KRABD3: variants seen among roughly 807,000 people sequenced by gnomAD.
KRABD3 encodes KRAB domain-containing protein 3.
At chr7:149,726,175 C>A in the KRABD3 span, 1 of 921,574 alleles carries the variant, frequency 1.1e-6, no homozygotes, top group Non-Finnish European at 1.6e-6. Flanking sequence ...GGAGCAGAGC[C>A]AGGGATACTG....
chr7:149,720,989 G>C, the KRABD3 span: 14 of 1,613,248 alleles, frequency 8.7e-6, no homozygotes, highest in Non-Finnish European at 1.2e-5. Flanking sequence ...CGAGCCCCGA[G>C]GGTAAGTCAG....
chr7:149,731,403 C>T, the KRABD3 span, among the ~76,000 whole-genome samples: 9 of 152,146 alleles, frequency 5.9e-5, no homozygotes, highest in Admixed American at 3.3e-4. Flanking sequence ...GGGCAGGACC[C>T]GCAGATGAGA....
chr7:149,725,958 G>GC, the KRABD3 span: 6 of 1,604,192 alleles, frequency 3.7e-6, no homozygotes, highest in South Asian at 4.5e-5. Flanking sequence ...CAGGCCCCTG[G>GC]CCCCCCGAGG....
At chr7:149,733,906 C>T in the KRABD3 span, 29 of 1,591,290 alleles carry the variant, frequency 1.8e-5, no homozygotes, top group South Asian at 2.3e-5. Flanking sequence ...CAGATGCAGA[C>T]GTGCCGACCT....
the KRABD3 span, among the ~76,000 whole-genome samples, chr7:149,732,903 A>C: frequency 1.3e-5 from 2 of 151,958 alleles, no homozygotes; most frequent in African/African-American, 4.8e-5. The surrounding 1 kb of genome is among the most constrained non-coding windows in gnomAD (Gnocchi z 4.0). Context: ...CTCATCAACA[A>C]CACAAAGACC....
chr7:149,726,030 G>A, the KRABD3 span: 5 of 1,612,900 alleles, frequency 3.1e-6, no homozygotes, highest in Non-Finnish European at 2.5e-6. Flanking sequence ...TGGGAGTCCT[G>A]TGGGGAACCA....
At chr7:149,718,845 A>G in the KRABD3 span, among the ~76,000 whole-genome samples, 2 of 152,198 alleles carry the variant, frequency 1.3e-5, no homozygotes, top group South Asian at 4.1e-4. Context: ...AACATAGACA[A>G]AAATGCTCGT....
the KRABD3 span, chr7:149,726,159 G>C: frequency 9.1e-7 from 1 of 1,098,276 alleles, no homozygotes; most frequent in East Asian, 2.6e-5. Context: ...CCCCATGCCC[G>C]TGCTGGGAGC....
the KRABD3 span, chr7:149,734,129 C>T: frequency 2.0e-6 from 3 of 1,480,524 alleles, no homozygotes; most frequent in Non-Finnish European, 1.8e-6. Context: ...CACCCCAGGC[C>T]ACCCTCTCCC....
At chr7:149,720,139 G>A in the KRABD3 span, 217,233 of 1,550,464 alleles carry the variant, frequency 0.14, 20,513 homozygotes, top group African/African-American at 0.47. Context: ...TAAGTTATCT[G>A]TCAGACTTTG....
chr7:149,718,166 G>C, the KRABD3 span, among the ~76,000 whole-genome samples: 2 of 152,108 alleles, frequency 1.3e-5, no homozygotes, highest in Non-Finnish European at 2.9e-5. Context: ...TAGCACTTTG[G>C]GAGACCAATG....
At chr7:149,722,660 G>A in the KRABD3 span, 35 of 1,485,960 alleles carry the variant, frequency 2.4e-5, no homozygotes, top group South Asian at 2.5e-4. Flanking sequence ...GCTCCACCGG[G>A]CAGGCCTTGT....
At chr7:149,730,239 G>GGGCCCA in the KRABD3 span, 11 of 1,564,772 alleles carry the variant, frequency 7.0e-6, no homozygotes, top group Non-Finnish European at 9.5e-6. Context: ...CTGCGTGGGA[G>GGGCCCA]GCCCCAGCCC....
chr7:149,733,232 C>A, the KRABD3 span: 13 of 1,607,944 alleles, frequency 8.1e-6, no homozygotes, highest in Non-Finnish European at 1.0e-5. Context: ...GCTGCTCCCC[C>A]AGGGCCCGCC....
the KRABD3 span, chr7:149,721,848 C>CT: frequency 1.8e-6 from 1 of 547,428 alleles, no homozygotes; most frequent in South Asian, 1.6e-5. Context: ...CATTGACCTA[C>CT]CTGTGTGCAC....
the KRABD3 span, chr7:149,719,971 T>G: frequency 6.5e-7 from 1 of 1,530,832 alleles, no homozygotes. This position sits in a 1 kb window ranked among gnomAD's most constrained non-coding sequence, Gnocchi z 5.6. Context: ...CGGAGACCAC[T>G]CCATTCCCAG....
the KRABD3 span, among the ~76,000 whole-genome samples, chr7:149,732,198 G>A: frequency 6.6e-6 from 1 of 152,180 alleles, no homozygotes; most frequent in Non-Finnish European, 1.5e-5. The surrounding 1 kb of genome is among the most constrained non-coding windows in gnomAD (Gnocchi z 4.0). Context: ...AACTTTGAGT[G>A]TGGCCTGCGG....
the KRABD3 span, chr7:149,720,876 C>T: frequency 1.2e-6 from 2 of 1,606,260 alleles, no homozygotes; most frequent in Non-Finnish European, 1.7e-6. Context: ...AGCCCTGGTG[C>T]AGCTGGTGAA....
the KRABD3 span, chr7:149,734,177 G>C: frequency 1.5e-6 from 2 of 1,309,022 alleles, no homozygotes; most frequent in Non-Finnish European, 2.1e-6. Context: ...TGGGAGCCTC[G>C]CCCTTTGTCC....
Sources: gnomAD v4.1 joint callset for allele counts (sites outside exome capture counted in the v4.1 genomes callset) on GRCh38, gnomAD v4.1.1 for gene constraint, Gnocchi (gnomAD v3.1) non-coding constraint, MANE v1.5 for transcripts, NCBI Gene and HGNC (gene_info 2026-07-23, HGNC 2026-07-21) for gene names.